LRPPRC: variants seen among roughly 807,000 people sequenced by gnomAD.
LRPPRC encodes leucine-rich PPR motif-containing protein, mitochondrial.
In LRPPRC, 120 loss-of-function variants were observed where a neutral mutation model predicts 180.3. The observed-to-expected ratio is 0.67, with a 90% CI of 0.57 to 0.77. The LOEUF (loss-of-function observed/expected upper bound fraction) is 0.77. LRPPRC is among the 30% of genes least tolerant of loss of function. The pLI is 0.00. For synonymous variants in LRPPRC, 723 were observed against 600.0 expected, an observed-to-expected ratio of 1.21 and a Z score of -3.00; for missense variants, 2,012 against 1,657.2, an observed-to-expected ratio of 1.21 and a Z score of -3.72.
chr2:43,995,376 A>G (rs754831194), intron 1 of LRPPRC, among the ~76,000 whole-genome samples: 1 of 152,226 alleles, frequency 6.6e-6, no homozygotes, highest in South Asian at 2.1e-4. Flanking sequence ...GCAAAAAGCT[A>G]AATTTCCAAT....
intron 1 of LRPPRC, among the ~76,000 whole-genome samples, chr2:43,988,071 C>G (rs1674606817): frequency 6.6e-6 from 1 of 151,984 alleles, no homozygotes; most frequent in Admixed American, 6.6e-5. Context: ...GAAACCCCAT[C>G]TCTACTAAAA....
chr2:43,957,845 TGA>T (rs1477493855), intron 13 of LRPPRC, among the ~76,000 whole-genome samples: 2 of 152,134 alleles, frequency 1.3e-5, no homozygotes, highest in South Asian at 4.1e-4. Context: ...AGACAGCACA[TGA>T]GAGGAAAAAT....
Position 43,888,419 on chromosome 2 carries a change from A to C in LRPPRC, c.*181T>G. 1 of 538,094 alleles carries C rather than the reference A, an allele frequency of 1.9e-6. No individual in the cohort carries two copies. The highest frequency in any genetic ancestry group is 3.3e-6 in the Non-Finnish European group (1 of 298,926). 33.3% of individuals were successfully genotyped at this position (538,094 alleles called of 1,614,324 possible). On this transcript the variant is annotated 3_prime_UTR_variant, in exon 38 of 38. Transcript: ENST00000260665. ...CTATCGATTTTTCCCAGAGAAAAAAACTCCAAAAATGTCCAATAACCAAGT... is the reference window on the plus strand; with the variant it reads ...CTATCGATTTTTCCCAGAGAAAAAACCTCCAAAAATGTCCAATAACCAAGT...
chr2:43,947,101 T>C (rs1435387405), intron 20 of LRPPRC, among the ~76,000 whole-genome samples, 156 bp downstream of exon 20: 3 of 152,090 alleles, frequency 2.0e-5, no homozygotes, highest in Admixed American at 2.0e-4. Context: ...ATTCAAGGTG[T>C]AGCTGAAATT....
chr2:43,922,407 G>A (rs1671729594), intron 27 of LRPPRC, among the ~76,000 whole-genome samples: 1 of 152,126 alleles, frequency 6.6e-6, no homozygotes, highest in African/African-American at 2.4e-5. Flanking sequence ...AAGGAAAGTT[G>A]CTTTTCAACA....
chr2:43,902,294 GCTAA>G (rs1471515359), intron 31 of LRPPRC: 1 of 152,112 alleles, frequency 6.6e-6, no homozygotes, highest in Non-Finnish European at 1.5e-5. Context: ...TAGCCTTCTA[GCTAA>G]CTGACTCATA....
intron 29 of LRPPRC, among the ~76,000 whole-genome samples, chr2:43,913,735 T>C (rs541585248): frequency 6.3e-4 from 96 of 152,328 alleles, no homozygotes; most frequent in African/African-American, 2.2e-3. Flanking sequence ...CAGTCCCTGT[T>C]AGTCATTAAA....
chr2:43,909,326 G>A (rs970675101), intron 30 of LRPPRC, among the ~76,000 whole-genome samples: 1 of 151,178 alleles, frequency 6.6e-6, no homozygotes, highest in Non-Finnish European at 1.5e-5. Flanking sequence ...AGACACAGAC[G>A]CACGGAGGAA....
At chr2:43,992,371 G>C (rs759354892) in intron 1 of LRPPRC, among the ~76,000 whole-genome samples, 3 of 152,230 alleles carry the variant, frequency 2.0e-5, no homozygotes, top group Non-Finnish European at 4.4e-5. Context: ...ACTAGAGTTT[G>C]AGAAGCCCTG....
chr2:43,901,115 G>A (rs2104992622), intron 32 of LRPPRC, among the ~76,000 whole-genome samples: 1 of 152,244 alleles, frequency 6.6e-6, no homozygotes, highest in South Asian at 2.1e-4. Context: ...TATGAATTTG[G>A]TAAATGCTGT....
At chr2:43,941,837 TAA>T (rs35278650) in intron 23 of LRPPRC, among the ~76,000 whole-genome samples, 4,489 of 92,804 alleles carry the variant, frequency 0.048, 160 homozygotes, top group Admixed American at 0.11. Context: ...CAAAGTAGTC[TAA>T]AAAAAAAAAA....
At position 43,975,044 on chromosome 2, in the gene LRPPRC, T is replaced by C; in HGVS notation, c.864+47A>G. ...TGCCTCATGTAAAACATAACACAAA[T>C]TTTTACAAATGATTTTAAAGTATGT... On this transcript the variant is annotated intron_variant, in intron 7 of 37. Transcript: ENST00000260665. 5.0e-6 allele frequency: 8 copies of C among 1,593,284 alleles called. 1 individual carries two copies. The Middle Eastern group carries it at 1.3e-3, about 264-fold the overall frequency.
Position 43,977,209 on chromosome 2 carries a change from G to C in LRPPRC, c.537C>G (p.Phe179Leu), listed in dbSNP as rs1231874260. The C allele has an allele frequency of 6.2e-7, 1 of 1,604,756 alleles. No homozygotes were observed. The highest frequency in any genetic ancestry group is 1.3e-5 in the African/African-American group (1 of 74,720). Residue 179 changes from phenylalanine to leucine, a missense_variant, in exon 4 of 38, where the codon TTC becomes TTG. Transcript: ENST00000260665. ...LKVYLQNEYK[F>L]SPTDFLAKME... ...TTTTTGCCAGGAAATCAGTTGGTGA[G>C]AATTTATATTCATTTTGAAGATAGA...
In LRPPRC at chr2:43,889,678, T is replaced by C. The variant is rs1016971649; in HGVS notation, c.4128+56A>G. The stretch of plus-strand genomic sequence containing the variant: ...CAACTTATTTTCTTACACATTGTTA[T>C]GAAGTGCACATAAATCTGCAGAGGT... On this transcript the variant is annotated intron_variant, in intron 37 of 37. Transcript: ENST00000260665. 6.1e-6 allele frequency: 8 copies of C among 1,304,678 alleles called. No homozygotes were observed. In the East Asian group the frequency reaches 6.9e-5, roughly 11 times the overall value. 80.8% of individuals were successfully genotyped at this position (1,304,678 alleles called of 1,614,324 possible). A position where few individuals can be genotyped will look rare whatever the true frequency, so the allele number is the denominator to read the frequency against.
chr2:43,979,000 T>A (rs1011272843), intron 3 of LRPPRC, among the ~76,000 whole-genome samples: 2 of 152,144 alleles, frequency 1.3e-5, no homozygotes, highest in African/African-American at 4.8e-5. Flanking sequence ...TTCATTGCAT[T>A]ATACATGATT....
At chr2:43,915,053 C>CAAA (rs71393213) in intron 29 of LRPPRC, among the ~76,000 whole-genome samples, 3 of 96,892 alleles carry the variant, frequency 3.1e-5, no homozygotes, top group Non-Finnish European at 6.7e-5. Flanking sequence ...ACTAAAAATA[C>CAAA]AAAAAAAAAA....
At chr2:43,917,633 T>C (rs1304083932) in intron 29 of LRPPRC, among the ~76,000 whole-genome samples, 4 of 151,680 alleles carry the variant, frequency 2.6e-5, no homozygotes, top group East Asian at 3.9e-4. Flanking sequence ...ACTACAAATA[T>C]AAAAAATTAG....
chr2:43,941,572 C>T (rs903888262), intron 23 of LRPPRC, among the ~76,000 whole-genome samples: 1 of 152,034 alleles, frequency 6.6e-6, no homozygotes, highest in Non-Finnish European at 1.5e-5. Context: ...GTGGTTAATC[C>T]TAGCACTTGT....
chr2:43,958,094 A>G (rs1339479229), intron 13 of LRPPRC, among the ~76,000 whole-genome samples: 1 of 152,188 alleles, frequency 6.6e-6, no homozygotes, highest in Non-Finnish European at 1.5e-5. Flanking sequence ...TTCAATGCTG[A>G]CATTATAAGC....
Sources: gnomAD v4.1 joint callset for allele counts (sites outside exome capture counted in the v4.1 genomes callset) on GRCh38, gnomAD v4.1.1 for gene constraint, MANE v1.5 for transcripts, NCBI Gene and HGNC (gene_info 2026-07-23, HGNC 2026-07-21) for gene names.